Variants in KDM5B observed in about 807,000 individuals in gnomAD.
KDM5B encodes the protein lysine-specific demethylase 5B.
In KDM5B, 144 loss-of-function variants were observed where a neutral mutation model predicts 193.4. That is an observed-to-expected ratio of 0.74 (90% CI 0.65 to 0.86). KDM5B has a LOEUF of 0.86. KDM5B is among the 40% of genes least tolerant of loss of function. KDM5B has a pLI of 0.00. For missense variants in KDM5B, 1,833 were observed against 1,886.9 expected (o/e 0.97, Z 0.53); for synonymous variants, 668 against 682.6 (o/e 0.98, Z 0.33).
At chr1:202,757,212 G>A (rs1456011341) in intron 9 of KDM5B, among the ~76,000 whole-genome samples, 2 of 152,176 alleles carry the variant, frequency 1.3e-5, no homozygotes, top group African/African-American at 2.4e-5. Context: ...CTGACAGGAC[G>A]CAGAGCTCGG....
At chr1:202,785,654 G>A (rs948314437) in intron 1 of KDM5B, among the ~76,000 whole-genome samples, 1 of 152,186 alleles carries the variant, frequency 6.6e-6, no homozygotes, top group African/African-American at 2.4e-5. Flanking sequence ...GCTCACGCCT[G>A]TAATCTCAGC....
intron 1 of KDM5B, among the ~76,000 whole-genome samples, chr1:202,801,621 T>TTTTATTTAC (rs1658077294): frequency 2.0e-5 from 3 of 151,934 alleles, no homozygotes; most frequent in Non-Finnish European, 4.4e-5. Flanking sequence ...ATTTTTCATT[T>TTTTATTTAC]AATTTTTATT....
intron 23 of KDM5B, among the ~76,000 whole-genome samples, chr1:202,733,016 C>T (rs1241525067): frequency 6.6e-6 from 1 of 152,192 alleles, no homozygotes; most frequent in African/African-American, 2.4e-5. Context: ...AGTGTTTTCC[C>T]TTTCTACTAA....
At chr1:202,775,097 T>A (rs1385165570) in intron 2 of KDM5B, among the ~76,000 whole-genome samples, 1 of 147,782 alleles carries the variant, frequency 6.8e-6, no homozygotes, top group East Asian at 2.0e-4. Context: ...ATCAGCCTAG[T>A]GTGGTGGCGC....
chr1:202,742,747 A>C lies in KDM5B; in HGVS notation c.2382T>G (p.Asn794Lys). 1 of 1,614,170 alleles carries C rather than the reference A, an allele frequency of 6.2e-7. No individual in the cohort carries two copies. The highest frequency in any genetic ancestry group is 8.5e-7 in the Non-Finnish European group (1 of 1,180,000). The change falls in exon 17 of 27, where the codon AAT becomes AAG. Residue 794 changes from asparagine to lysine, a missense_variant. Coordinates refer to ENST00000367265, the MANE Select transcript of KDM5B (RefSeq NM_006618.5). ...CTAGGCGAAGGTGTCGCAAAAGATC[A>C]TTGTCTGGGAATTTCTTCATTTCAG... Reference protein sequence around the residue: ...EESEMKKFPDNDLLRHLRLVT... With the variant: ...EESEMKKFPDKDLLRHLRLVT...
At chr1:202,747,975 AAGTT>A (rs940108842) in intron 14 of KDM5B, among the ~76,000 whole-genome samples, 9 of 152,254 alleles carry the variant, frequency 5.9e-5, no homozygotes, top group South Asian at 2.1e-4. Context: ...AAAAAAAACA[AAGTT>A]AGAAGACTCA....
chr1:202,777,898 G>T (rs116621859), intron 1 of KDM5B, among the ~76,000 whole-genome samples: 1 of 152,012 alleles, frequency 6.6e-6, no homozygotes, highest in Non-Finnish European at 1.5e-5. Context: ...ATCCTTGGCC[G>T]GGCAAGGTGG....
At chr1:202,745,752 A>G in intron 16 of KDM5B, 106 bp downstream of exon 16, 1 of 1,309,104 alleles carries the variant, frequency 7.6e-7, no homozygotes, top group Non-Finnish European at 1.1e-6. Flanking sequence ...GGGCTAACCA[A>G]GGATGAGGTC....
intron 18 of KDM5B, among the ~76,000 whole-genome samples, chr1:202,742,151 G>A (rs753377851): frequency 1.3e-5 from 2 of 152,094 alleles, no homozygotes; most frequent in African/African-American, 2.4e-5. Context: ...GGGGTTACAG[G>A]TGTGAGCCAC....
chr1:202,804,047 C>G (rs1232508577), intron 1 of KDM5B, among the ~76,000 whole-genome samples: 2 of 151,094 alleles, frequency 1.3e-5, no homozygotes, highest in Non-Finnish European at 2.9e-5. Flanking sequence ...CAAACCTGCA[C>G]GTTGTACACA....
chr1:202,754,372 T>C (rs1024883012), intron 11 of KDM5B, among the ~76,000 whole-genome samples: 15 of 152,090 alleles, frequency 9.9e-5, no homozygotes, highest in African/African-American at 2.4e-4. Context: ...AGAAGAAAAA[T>C]AGAGAAGAAA....
At chr1:202,805,418 C>A (rs1029729671) in intron 1 of KDM5B, among the ~76,000 whole-genome samples, 2 of 152,148 alleles carry the variant, frequency 1.3e-5, no homozygotes, top group African/African-American at 4.8e-5. Flanking sequence ...GGGAGTCTCA[C>A]TGAGAAAGCA....
intron 14 of KDM5B, among the ~76,000 whole-genome samples, chr1:202,748,162 A>C (rs569571065): frequency 1.3e-5 from 2 of 152,200 alleles, no homozygotes; most frequent in Non-Finnish European, 2.9e-5. Flanking sequence ...AAGAAAAGAT[A>C]GTCTTTTCAA....
chr1:202,739,727 C>T (rs563341331), intron 20 of KDM5B, among the ~76,000 whole-genome samples: 2 of 152,276 alleles, frequency 1.3e-5, no homozygotes, highest in African/African-American at 4.8e-5. Flanking sequence ...ACATCTTGCA[C>T]CGCCCTTAAT....
intron 23 of KDM5B, 76 bp from the exon 24 acceptor site, chr1:202,732,015 T>C (rs543718389): frequency 2.2e-6 from 2 of 923,800 alleles, no homozygotes; most frequent in East Asian, 5.5e-5. Context: ...TGACAGTAGC[T>C]TGCATTACCC....
chr1:202,727,904 G>A lies in KDM5B; in HGVS notation c.*1132C>T, dbSNP rs1019058974. 1 of 152,658 alleles carries A rather than the reference G, an allele frequency of 6.6e-6. No individual in the cohort carries two copies. The highest frequency in any genetic ancestry group is 1.5e-5 in the Non-Finnish European group (1 of 68,040). 9.5% of individuals were successfully genotyped at this position (152,658 alleles called of 1,614,324 possible). A position where few individuals can be genotyped will look rare whatever the true frequency, so the allele number is the denominator to read the frequency against. ...CACAAGGAAGACTGATTTGAGGATT[G>A]AAGTGATTTGCCAACATTCTGAGAA... is the stretch of plus-strand genomic sequence containing the variant. On this transcript the variant is annotated 3_prime_UTR_variant, in exon 27 of 27. Transcript: ENST00000367265.
chr1:202,746,416 A>C, intron 14 of KDM5B, 93 bp from the exon 15 acceptor site: 1 of 784,718 alleles, frequency 1.3e-6, no homozygotes, highest in Non-Finnish European at 1.9e-6. Context: ...TCTGAAAAAA[A>C]AAAAAAAGCT....
At position 202,753,880 on chromosome 1, in the gene KDM5B, G is replaced by A. The variant is rs537576557; in HGVS notation, c.1539-813C>T. On this transcript the variant is annotated intron_variant, in intron 11 of 26. Coordinates refer to ENST00000367265, the MANE Select transcript of KDM5B (RefSeq NM_006618.5). ...ACACGGGGTTTCACCATGTTGCCAG[G>A]CTGGTCTCGAACTCCTGACCTCAGG... Among the ~76,000 whole-genome samples the A allele has an allele frequency of 4.6e-5, 7 of 152,122 alleles. No homozygotes were observed. In the East Asian group the frequency reaches 1.2e-3, roughly 25 times the overall value.
chr1:202,735,704 G>A (rs1655065835), intron 21 of KDM5B, 117 bp from the exon 22 acceptor site: 2 of 936,276 alleles, frequency 2.1e-6, no homozygotes, highest in Non-Finnish European at 3.2e-6. Context: ...TAGTATTGAA[G>A]ATTTTCTTTG....
Sources: gnomAD v4.1 joint callset for allele counts (sites outside exome capture counted in the v4.1 genomes callset) on GRCh38, gnomAD v4.1.1 for gene constraint, MANE v1.5 for transcripts, NCBI Gene and HGNC (gene_info 2026-07-23, HGNC 2026-07-21) for gene names.